Variants in ARHGAP24 observed in about 807,000 individuals in gnomAD.
ARHGAP24 encodes rho GTPase-activating protein 24.
ARHGAP24 carries 50 observed loss-of-function variants against 76.4 expected under a neutral mutation model. The observed-to-expected ratio is 0.65, with a 90% CI of 0.52 to 0.83. The LOEUF (loss-of-function observed/expected upper bound fraction) is 0.83, where lower values mean the gene tolerates loss of function less well. Ranked by LOEUF, ARHGAP24 falls within the 40% of genes least tolerant of loss-of-function variation. The pLI is 0.00. For missense variants in ARHGAP24, 930 were observed against 914.2 expected (o/e 1.02, Z -0.22); for synonymous variants, 345 against 323.3 (o/e 1.07, Z -0.72).
At chr4:85,927,833 C>A (rs568633956) in intron 4 of ARHGAP24, among the ~76,000 whole-genome samples, 18 of 152,230 alleles carry the variant, frequency 1.2e-4, no homozygotes, top group African/African-American at 3.9e-4. Context: ...CACATATATG[C>A]AAAATATTCC....
At chr4:85,883,543 T>G (rs1295076735) in intron 3 of ARHGAP24, among the ~76,000 whole-genome samples, 1 of 151,852 alleles carries the variant, frequency 6.6e-6, no homozygotes, top group Non-Finnish European at 1.5e-5. Flanking sequence ...GTGCAGGGGG[T>G]AGAGTACATG....
intron 3 of ARHGAP24, among the ~76,000 whole-genome samples, chr4:85,731,554 T>C (rs1420118754): frequency 6.6e-6 from 1 of 152,218 alleles, no homozygotes; most frequent in African/African-American, 2.4e-5. Flanking sequence ...AACTTGATTA[T>C]TGACCTTTTT....
At chr4:85,968,759 ACT>A (rs1008516030) in intron 5 of ARHGAP24, among the ~76,000 whole-genome samples, 1 of 151,982 alleles carries the variant, frequency 6.6e-6, no homozygotes, top group African/African-American at 2.4e-5. Context: ...AAAAATGAAA[ACT>A]CTAGAAAAAT....
At chr4:85,976,303 AG>A (rs1739317532) in intron 7 of ARHGAP24, among the ~76,000 whole-genome samples, 1 of 152,186 alleles carries the variant, frequency 6.6e-6, no homozygotes, top group Non-Finnish European at 1.5e-5. Context: ...CTTTTTTAAA[AG>A]TCATGATATA....
intron 3 of ARHGAP24, among the ~76,000 whole-genome samples, chr4:85,904,104 G>A (rs953717287): frequency 6.6e-6 from 1 of 152,168 alleles, no homozygotes; most frequent in Admixed American, 6.5e-5. Context: ...GTTGTATGAG[G>A]CCATTCTTGA....
intron 5 of ARHGAP24, among the ~76,000 whole-genome samples, chr4:85,962,533 A>G (rs931810318): frequency 2.6e-5 from 4 of 152,024 alleles, no homozygotes; most frequent in Admixed American, 1.3e-4. Context: ...TGTAACATTA[A>G]AATTTCTACA....
rs147274215 is a variant in ARHGAP24 at position 85,994,876 on chromosome 4, C to T, written c.1222C>T (p.His408Tyr). 40 of 1,614,088 alleles carry T rather than the reference C, an allele frequency of 2.5e-5. No individual in the cohort carries two copies. The highest frequency in any genetic ancestry group is 3.3e-4 in the Middle Eastern group (2 of 6,062). Residue 408 changes from histidine (H) to tyrosine (Y), a missense_variant, in exon 9 of 10, where the codon CAC becomes TAC. Coordinates refer to ENST00000395184, the MANE Select transcript of ARHGAP24 (RefSeq NM_001025616.3). ...AACCAACAGCCCAAAGAACAGTGTT[C>T]ACAAGCTAGATGTGTCTAGAAGCCC... ...SKTNSPKNSV[H>Y]KLDVSRSPPL... is the part of the protein sequence containing the mutation.
chr4:85,678,235 G>T (rs893822057), intron 2 of ARHGAP24, among the ~76,000 whole-genome samples: 1 of 151,864 alleles, frequency 6.6e-6, no homozygotes, highest in Non-Finnish European at 1.5e-5. Flanking sequence ...ATGGCATAGT[G>T]GTGACCTGCC....
chr4:85,794,020 A>C (rs997328236), intron 3 of ARHGAP24, among the ~76,000 whole-genome samples: 4 of 152,250 alleles, frequency 2.6e-5, no homozygotes, highest in Non-Finnish European at 4.4e-5. Flanking sequence ...TTTTGGGAAC[A>C]GTATTTCTCA....
chr4:85,811,901 C>T (rs1344640056), intron 3 of ARHGAP24, among the ~76,000 whole-genome samples: 2 of 152,056 alleles, frequency 1.3e-5, no homozygotes, highest in African/African-American at 4.8e-5. Context: ...TTTGGCTGGG[C>T]GTGGTAGCTC....
intron 3 of ARHGAP24, among the ~76,000 whole-genome samples, chr4:85,726,035 C>T (rs1004967137): frequency 6.6e-6 from 1 of 152,162 alleles, no homozygotes; most frequent in African/African-American, 2.4e-5. Context: ...AGTCCTCCCC[C>T]TCAAAAACCA....
intron 2 of ARHGAP24, among the ~76,000 whole-genome samples, chr4:85,709,031 A>C (rs980282041): frequency 1.3e-5 from 2 of 152,176 alleles, no homozygotes; most frequent in Non-Finnish European, 2.9e-5. Flanking sequence ...CCATTCAGTA[A>C]ACTTTTATCT....
At chr4:85,841,493 G>T (rs1730593447) in intron 3 of ARHGAP24, among the ~76,000 whole-genome samples, 1 of 152,178 alleles carries the variant, frequency 6.6e-6, no homozygotes, top group Admixed American at 6.5e-5. Flanking sequence ...GAATTACTTA[G>T]AATAGTTTCT....
intron 3 of ARHGAP24, among the ~76,000 whole-genome samples, chr4:85,861,928 A>C (rs1731925240): frequency 6.6e-6 from 1 of 152,068 alleles, no homozygotes; most frequent in African/African-American, 2.4e-5. Context: ...TAATTCCCCA[A>C]ACTTAAGTCA....
chr4:85,687,517 G>GT (rs1560586033), intron 2 of ARHGAP24, among the ~76,000 whole-genome samples: 1 of 152,134 alleles, frequency 6.6e-6, no homozygotes, highest in African/African-American at 2.4e-5. Flanking sequence ...TGTGGTATTT[G>GT]TTTTTTCTCT....
intron 2 of ARHGAP24, among the ~76,000 whole-genome samples, chr4:85,652,540 G>C (rs1400690480): frequency 1.3e-5 from 2 of 152,148 alleles, no homozygotes; most frequent in Admixed American, 6.5e-5. Context: ...AAATTGACTT[G>C]TTCTCATATC....
At chr4:85,740,669 T>C (rs1399330625) in intron 3 of ARHGAP24, among the ~76,000 whole-genome samples, 1 of 152,232 alleles carries the variant, frequency 6.6e-6, no homozygotes, top group African/African-American at 2.4e-5. Flanking sequence ...TGAGGACTAT[T>C]ATATTTCTTA....
At chr4:85,992,035 G>C (rs1328563881) in intron 8 of ARHGAP24, 3 of 395,926 alleles carry the variant, frequency 7.6e-6, no homozygotes, top group Non-Finnish European at 1.3e-5. Flanking sequence ...AAATTATATG[G>C]TTCAGGGAAG....
intron 1 of ARHGAP24, among the ~76,000 whole-genome samples, chr4:85,519,723 G>C (rs372099556): frequency 1.3e-5 from 2 of 152,108 alleles, no homozygotes; most frequent in Non-Finnish European, 2.9e-5. Context: ...AATGAAACTC[G>C]TGTCAGCTTG....
Sources: gnomAD v4.1 joint callset for allele counts (sites outside exome capture counted in the v4.1 genomes callset) on GRCh38, gnomAD v4.1.1 for gene constraint, MANE v1.5 for transcripts, NCBI Gene and HGNC (gene_info 2026-07-23, HGNC 2026-07-21) for gene names.